The following RRM2 variants were observed in gnomAD, a reference collection of about 807,000 sequenced individuals.
RRM2 encodes the protein ribonucleoside-diphosphate reductase subunit M2.
A neutral mutation model predicts 45.9 loss-of-function variants in RRM2; 6 were observed. The observed-to-expected ratio is 0.13, with a 90% CI of 0.07 to 0.26. The LOEUF (loss-of-function observed/expected upper bound fraction) is 0.26, where lower values mean the gene tolerates loss of function less well. Among genes scored for constraint, RRM2 ranks in the 10% least tolerant of loss-of-function variants. RRM2 has a pLI of 1.00. For missense variants in RRM2, 343 were observed against 489.5 expected (o/e 0.70, Z 2.82); for synonymous variants, 177 against 173.0 (o/e 1.02, Z -0.18).
At chr2:10,191,600 C>T (rs140143791) in intron 3 of RRM2, among the ~76,000 whole-genome samples, 3 of 152,188 alleles carry the variant, frequency 2.0e-5, no homozygotes, top group African/African-American at 7.2e-5. Flanking sequence ...TGGAGCGGAG[C>T]AGGGGCGGGA....
At chr2:10,157,016 C>CTCT (rs1663440853) in intron 3 of RRM2, among the ~76,000 whole-genome samples, 1 of 85,926 alleles carries the variant, frequency 1.2e-5, no homozygotes, top group Non-Finnish European at 2.1e-5. Flanking sequence ...CAGCCCATTT[C>CTCT]TTTTTTTTTT....
intron 3 of RRM2, among the ~76,000 whole-genome samples, chr2:10,179,256 A>G (rs1035475644): frequency 8.5e-5 from 13 of 152,082 alleles, no homozygotes; most frequent in African/African-American, 3.1e-4. Context: ...GGGTTCAGCT[A>G]TTCTCATGCC....
At chr2:10,124,570 A>G in intron 4 of RRM2, 147 bp from the exon 5 acceptor site, 1 of 858,410 alleles carries the variant, frequency 1.2e-6, no homozygotes, top group Non-Finnish European at 1.8e-6. Context: ...TATGACATAA[A>G]ATATCAAAGA....
At chr2:10,156,964 G>A (rs1663439563) in intron 3 of RRM2, among the ~76,000 whole-genome samples, 3 of 150,118 alleles carry the variant, frequency 2.0e-5, no homozygotes, top group Admixed American at 1.3e-4. Flanking sequence ...TTCAGATGCT[G>A]GAATCAATGG....
chr2:10,210,042 C>G (rs1664730134), intron 3 of RRM2, among the ~76,000 whole-genome samples: 1 of 152,214 alleles, frequency 6.6e-6, no homozygotes, highest in South Asian at 2.1e-4. Context: ...GTAACTCTCT[C>G]CCCAAGCCAA....
rs1208097730 is a variant in RRM2 at position 10,171,746 on chromosome 2, A to C, written n.482+29371A>C. 6.6e-6 allele frequency among the ~76,000 whole-genome samples: 1 copy of C among 152,206 alleles called. No individual in the cohort carries two copies. Among genetic ancestry groups the C allele is most frequent in the African/African-American group, 2.4e-5 (1 of 41,456 alleles). On this transcript the variant is annotated intron_variant and non_coding_transcript_variant, in intron 3 of 3. Coordinates refer to the RRM2 transcript ENST00000381786. This position sits in a 1 kb window ranked among gnomAD's most constrained non-coding sequence, Gnocchi z 4.1. ...AGGAATGAATCCTACTCAGCTGCAG[A>C]ATAGTCACAGACACCTCTCCACCAG...
chr2:10,181,236 G>C (rs1428018443), intron 3 of RRM2, among the ~76,000 whole-genome samples: 1 of 152,192 alleles, frequency 6.6e-6, no homozygotes, highest in Non-Finnish European at 1.5e-5. Context: ...GAGGAAACAG[G>C]CTTAGAGTGG....
chr2:10,210,003 G>T (rs1423574620), intron 3 of RRM2, among the ~76,000 whole-genome samples: 1 of 152,182 alleles, frequency 6.6e-6, no homozygotes, highest in Non-Finnish European at 1.5e-5. Context: ...CTGCTGCCCA[G>T]CAGCCTGGAG....
chr2:10,146,383 C>T (rs1310157291), intron 3 of RRM2, among the ~76,000 whole-genome samples: 2 of 152,230 alleles, frequency 1.3e-5, no homozygotes, highest in African/African-American at 4.8e-5. Flanking sequence ...CTTAGAGACC[C>T]TGGTATTTTT....
At chr2:10,146,782 T>TTTTGA (rs1663196126) in intron 3 of RRM2, among the ~76,000 whole-genome samples, 1 of 152,214 alleles carries the variant, frequency 6.6e-6, no homozygotes, top group Non-Finnish European at 1.5e-5. Context: ...CCCCCAGCCT[T>TTTTGA]GCCCCCGTTT....
rs1461774387 is a variant in RRM2 at position 10,185,093 on chromosome 2, G to A, written n.483-25218G>A. Among the ~76,000 whole-genome samples the A allele has an allele frequency of 6.6e-6, 1 of 152,218 alleles. No homozygotes were observed. Among genetic ancestry groups the A allele is most frequent in the Admixed American group, 6.5e-5 (1 of 15,278 alleles). ...ATAGCAAATCCTGTAGGATGCGGTA[G>A]ATTTGGAAGATTTCTGTGATGTTTT... On this transcript the variant is annotated intron_variant and non_coding_transcript_variant, in intron 3 of 3. Transcript: ENST00000381786. This position sits in a 1 kb window ranked among gnomAD's most constrained non-coding sequence, Gnocchi z 4.3.
intron 3 of RRM2, among the ~76,000 whole-genome samples, chr2:10,145,251 G>T (rs1663164955): frequency 6.6e-6 from 1 of 152,162 alleles, no homozygotes; most frequent in African/African-American, 2.4e-5. Context: ...TTAGTGCTGT[G>T]CTGAGGGGTC....
At chr2:10,159,375 A>G (rs1027825440) in intron 3 of RRM2, among the ~76,000 whole-genome samples, 3 of 152,216 alleles carry the variant, frequency 2.0e-5, no homozygotes, top group Admixed American at 6.5e-5. Flanking sequence ...TGGTTCTTCC[A>G]GAGACCTGTC....
chr2:10,143,711 G>A (rs568317907), intron 3 of RRM2, among the ~76,000 whole-genome samples: 160 of 152,050 alleles, frequency 1.1e-3, no homozygotes, highest in Middle Eastern at 3.4e-3. Flanking sequence ...TTGCTCTGTC[G>A]CCAGGTGGTA....
At chr2:10,158,319 C>T (rs896865187) in intron 3 of RRM2, among the ~76,000 whole-genome samples, 4 of 152,166 alleles carry the variant, frequency 2.6e-5, no homozygotes, top group Admixed American at 6.5e-5. Context: ...GAACTTCCTG[C>T]GCATCATTAT....
downstream of RRM2, among the ~76,000 whole-genome samples, chr2:10,131,863 C>T (rs927326189): frequency 1.3e-5 from 2 of 152,206 alleles, no homozygotes; most frequent in Non-Finnish European, 2.9e-5. Flanking sequence ...AAAGGTGGTG[C>T]CCAAAAATAC....
intron 3 of RRM2, among the ~76,000 whole-genome samples, chr2:10,177,953 G>T (rs189691368): frequency 6.9e-6 from 1 of 144,102 alleles, no homozygotes; most frequent in African/African-American, 2.6e-5. Flanking sequence ...ACGGAGTCTC[G>T]CTCTGTCACC....
At chr2:10,170,667 G>A (rs1020786425) in intron 3 of RRM2, among the ~76,000 whole-genome samples, 6 of 152,082 alleles carry the variant, frequency 3.9e-5, no homozygotes, top group African/African-American at 1.4e-4. Context: ...TACGGCCTGG[G>A]TCTCCCCCTC....
chr2:10,142,133 G>A, intron 2 of RRM2: 1 of 1,563,030 alleles, frequency 6.4e-7, no homozygotes, highest in Non-Finnish European at 8.7e-7. Context: ...AGGCCCTGTG[G>A]CAGGCGCGTC....
Sources: allele counts gnomAD v4.1 joint callset (sites outside exome capture counted in the v4.1 genomes callset), GRCh38; gene constraint gnomAD v4.1.1; non-coding constraint Gnocchi (gnomAD v3.1); transcripts MANE v1.5; gene names NCBI Gene and HGNC (gene_info 2026-07-23, HGNC 2026-07-21).